DMD: variants seen among roughly 807,000 people sequenced by gnomAD.
DMD encodes the protein dystrophin.
Under a neutral mutation model 330.1 loss-of-function variants are expected in DMD, and 63 were observed. The observed-to-expected ratio is 0.19, with a 90% confidence interval of 0.16 to 0.24. The LOEUF is 0.24. Among genes scored for constraint, DMD ranks in the 10% least tolerant of loss-of-function variants. DMD has a pLI of 1.00. For synonymous variants in DMD, 1,223 were observed against 959.8 expected (o/e 1.27, Z -5.07); for missense variants, 3,344 against 2,684.1 (o/e 1.25, Z -5.43).
Position 32,094,611 on chromosome X carries a change from T to C in DMD, c.6438+122305A>G, listed in dbSNP as rs1157598756. ...GCATTAAGAAATACACAATCTCCAGTGTAGGACCTCCTTATAGAAAAACAT... is the reference window on the plus strand; with the variant it reads ...GCATTAAGAAATACACAATCTCCAGCGTAGGACCTCCTTATAGAAAAACAT... On this transcript the variant is annotated intron_variant, in intron 44 of 78. Transcript: ENST00000357033. 2.7e-5 allele frequency among the ~76,000 whole-genome samples: 3 copies of C among 112,071 alleles called. No homozygotes were observed. The East Asian group carries it at 8.4e-4, about 31-fold the overall frequency.
chrX:31,303,092 T>A (rs2054772383), intron 62 of DMD, among the ~76,000 whole-genome samples: 1 of 111,942 alleles, frequency 8.9e-6, no homozygotes, highest in African/African-American at 3.2e-5. Context: ...ATCATAACTT[T>A]GGTGTTTATC....
At chrX:31,388,284 T>G (rs2060544113) in intron 60 of DMD, among the ~76,000 whole-genome samples, 1 of 109,965 alleles carries the variant, frequency 9.1e-6, no homozygotes, top group Non-Finnish European at 1.9e-5. Context: ...ATTACAGGAG[T>G]GAGCCACCAC....
chrX:32,099,360 A>C (rs886726656), intron 44 of DMD, among the ~76,000 whole-genome samples: 1 of 110,971 alleles, frequency 9.0e-6, no homozygotes, highest in African/African-American at 3.3e-5. Context: ...TAGAACTAGA[A>C]ATACCATTTG....
intron 1 of DMD, among the ~76,000 whole-genome samples, chrX:33,265,257 G>A (rs2053023930): frequency 9.0e-6 from 1 of 110,681 alleles, no homozygotes; most frequent in African/African-American, 3.3e-5. Context: ...AGGTACAGAT[G>A]AATTCAACAC....
chrX:32,594,616 C>A (rs2055311353), intron 13 of DMD, among the ~76,000 whole-genome samples: 1 of 111,182 alleles, frequency 9.0e-6, no homozygotes, highest in African/African-American at 3.3e-5. Context: ...TCTGAAGCTA[C>A]CCTAGAATTA....
rs768436709 is a variant in DMD, at chrX:32,581,620, C to A, written c.1603-7774G>T. On this transcript the variant is annotated intron_variant, in intron 13 of 78. Transcript: ENST00000357033. ...TCTGGAAAAATGTAATGTTGAAATT[C>A]CAATTAAAAATGGACATTTTTATGT... Among the ~76,000 whole-genome samples, 12 of 111,526 alleles carry A rather than the reference C, an allele frequency of 1.1e-4. No homozygotes were observed. The East Asian group carries it at 2.8e-3, about 26-fold the overall frequency.
At chrX:32,247,314 C>T (rs1169557143) in intron 43 of DMD, among the ~76,000 whole-genome samples, 1 of 111,582 alleles carries the variant, frequency 9.0e-6, no homozygotes, top group African/African-American at 3.3e-5. Context: ...CATTACTTCA[C>T]CTGAAAATAC....
intron 51 of DMD, among the ~76,000 whole-genome samples, chrX:31,733,134 A>G (rs942475121): frequency 1.8e-5 from 2 of 111,167 alleles, no homozygotes; most frequent in African/African-American, 6.5e-5. Context: ...AAGATGGAGG[A>G]AAAAAAATTC....
At chrX:31,997,428 G>T (rs771202133) in intron 44 of DMD, among the ~76,000 whole-genome samples, 164 of 98,916 alleles carry the variant, frequency 1.7e-3, no homozygotes, top group African/African-American at 2.0e-3. Flanking sequence ...ATTTTTTTTT[G>T]TTTTTTGTTT....
chrX:32,341,683 G>T (rs1003682456), intron 41 of DMD, among the ~76,000 whole-genome samples: 1 of 111,500 alleles, frequency 9.0e-6, no homozygotes, highest in Non-Finnish European at 1.9e-5. Flanking sequence ...GATGTACCAT[G>T]AAATATTTAT....
chrX:32,996,149 T>G (rs1368249511), intron 2 of DMD, among the ~76,000 whole-genome samples: 1 of 111,641 alleles, frequency 9.0e-6, no homozygotes, highest in Non-Finnish European at 1.9e-5. Context: ...CCACACTGAT[T>G]TAAGCAAAGA....
intron 43 of DMD, among the ~76,000 whole-genome samples, chrX:32,235,945 A>G (rs2097186179): frequency 8.9e-6 from 1 of 111,817 alleles, no homozygotes; most frequent in East Asian, 2.8e-4. Flanking sequence ...CCACCCTCAC[A>G]TAACAGCTAT....
chrX:32,752,966 T>G (rs149974380), intron 7 of DMD, among the ~76,000 whole-genome samples: 1 of 111,153 alleles, frequency 9.0e-6, no homozygotes, highest in Non-Finnish European at 1.9e-5. Context: ...AAACCCTTTT[T>G]GCTGTATAAA....
chrX:31,181,960 T>C (rs1245157211), intron 68 of DMD, among the ~76,000 whole-genome samples: 1 of 112,028 alleles, frequency 8.9e-6, no homozygotes, highest in African/African-American at 3.2e-5. Context: ...TAATGTTAAG[T>C]GAGATTAATT....
intron 74 of DMD, among the ~76,000 whole-genome samples, chrX:31,149,180 A>C (rs2037095150): frequency 8.9e-6 from 1 of 112,077 alleles, no homozygotes; most frequent in Non-Finnish European, 1.9e-5. Context: ...CTTTTCCCCC[A>C]TGGATAAACT....
At chrX:33,047,291 C>A (rs1277487727) in intron 1 of DMD, among the ~76,000 whole-genome samples, 1 of 111,592 alleles carries the variant, frequency 9.0e-6, no homozygotes, top group African/African-American at 3.3e-5. Flanking sequence ...ACTGATGTAC[C>A]TAGATTTTTT....
At chrX:31,963,395 C>G (rs1179486286) in intron 45 of DMD, among the ~76,000 whole-genome samples, 1 of 111,590 alleles carries the variant, frequency 9.0e-6, no homozygotes, top group Non-Finnish European at 1.9e-5. Flanking sequence ...ACTTAATGAC[C>G]GTACATGAAG....
chrX:32,865,060 C>T (rs1403956668), intron 2 of DMD, among the ~76,000 whole-genome samples: 2 of 111,239 alleles, frequency 1.8e-5, no homozygotes, highest in Non-Finnish European at 3.8e-5. Flanking sequence ...TATTACAGTT[C>T]TATAATTTAA....
intron 15 of DMD, among the ~76,000 whole-genome samples, chrX:32,571,999 C>G (rs1263552082): frequency 4.5e-5 from 5 of 111,932 alleles, no homozygotes; most frequent in Non-Finnish European, 7.5e-5. Flanking sequence ...CTCTCAATGG[C>G]TCCCCATCAG....
Sources: gnomAD v4.1 joint callset for allele counts (sites outside exome capture counted in the v4.1 genomes callset) on GRCh38, gnomAD v4.1.1 for gene constraint, MANE v1.5 for transcripts, NCBI Gene and HGNC (gene_info 2026-07-23, HGNC 2026-07-21) for gene names.